The following EMC1 variants were observed in gnomAD, a reference collection of about 807,000 sequenced individuals.
EMC1 encodes KIAA0090.
A neutral mutation model predicts 128.8 loss-of-function variants in EMC1; 103 were observed. That is an observed-to-expected ratio of 0.80 (90% CI 0.68 to 0.94). EMC1 has a LOEUF of 0.94. Ranked by LOEUF, EMC1 falls within the 40% of genes least tolerant of loss-of-function variation. The pLI, the probability that EMC1 is intolerant of heterozygous loss-of-function variation, is 0.00. For missense variants in EMC1, 1,083 were observed against 1,250.6 expected (o/e 0.87, Z 2.02); for synonymous variants, 442 against 490.4 (o/e 0.90, Z 1.30).
At position 19,244,976 on chromosome 1, in the gene EMC1, T is replaced by A; in HGVS notation, c.150A>T (p.Gly50=). 1 of 1,613,958 alleles carries A rather than the reference T, an allele frequency of 6.2e-7. No individual in the cohort carries two copies. The change falls in exon 2 of 23, where the codon GGA becomes GGT. Residue 50 remains glycine (G), a synonymous_variant. Transcript: ENST00000477853. ...VKFASLEFSP[G]SKKLVVATEK... ...CTGTGGCTACAACCAACTTCTTGGA[T>A]CCAGGGGAAAATTCCAAGGAGGCAA... is the stretch of plus-strand genomic sequence containing the variant.
intron 2 of EMC1, among the ~76,000 whole-genome samples, chr1:19,244,250 C>T (rs1348704370): frequency 3.9e-5 from 6 of 152,104 alleles, no homozygotes; most frequent in Non-Finnish European, 5.9e-5. Flanking sequence ...AACATATAAA[C>T]AAACAACAAT....
intron 17 of EMC1, 99 bp downstream of exon 17, chr1:19,230,745 T>A: frequency 1.4e-6 from 2 of 1,442,982 alleles, no homozygotes; most frequent in South Asian, 2.5e-5. Flanking sequence ...TAATCTAAGT[T>A]TACAGTAGAA....
rs1336526051 is a variant in EMC1 at position 19,243,775 on chromosome 1, G to A, written c.287-68C>T. 8 of 1,519,026 alleles carry A rather than the reference G, an allele frequency of 5.3e-6. No individual in the cohort carries two copies. The East Asian group carries it at 9.0e-5, about 17-fold the overall frequency. The allele number at this position is 1,519,026 out of a possible 1,614,324, so 94.1% of individuals were successfully genotyped here. A position where few individuals can be genotyped will look rare whatever the true frequency, so the allele number is the denominator to read the frequency against. On this transcript the variant is annotated intron_variant, in intron 3 of 22. Coordinates refer to ENST00000477853, the MANE Select transcript of EMC1 (RefSeq NM_015047.3). ...CTGTCGCTTCCTAGGGTCCCACTGTGAGCAGTGGCCTCACCTCTGATTTCT... is the reference window on the plus strand; with the variant it reads ...CTGTCGCTTCCTAGGGTCCCACTGTAAGCAGTGGCCTCACCTCTGATTTCT...
At chr1:19,244,853 G>A in intron 2 of EMC1, 53 bp downstream of exon 2, 4 of 1,604,144 alleles carry the variant, frequency 2.5e-6, no homozygotes, top group Non-Finnish European at 3.4e-6. Flanking sequence ...GTTGGCAATG[G>A]TAAGTCTTTC....
intron 17 of EMC1, 97 bp from the exon 18 acceptor site, chr1:19,227,547 T>TA (rs2151943995): frequency 7.1e-6 from 10 of 1,399,802 alleles, no homozygotes; most frequent in Non-Finnish European, 9.9e-6. Context: ...TTTGAGGCCT[T>TA]TGTGCAGGAA....
Position 19,217,632 on chromosome 1 carries a change from T to G in EMC1, c.*1671A>C, listed in dbSNP as rs2093403882. ...TAGCTTGTTTCAGATTCTGGCACAC[T>G]GGTAAATAAAAACTAGAATCTTGCA... On this transcript the variant is annotated 3_prime_UTR_variant, in exon 23 of 23. Transcript: ENST00000477853. 1 of 152,202 alleles carries G rather than the reference T, an allele frequency of 6.6e-6. No homozygotes were observed. The highest frequency in any genetic ancestry group is 2.4e-5 in the African/African-American group (1 of 41,456). 9.4% of individuals were successfully genotyped at this position (152,202 alleles called of 1,614,324 possible). A position where few individuals can be genotyped will look rare whatever the true frequency, so the allele number is the denominator to read the frequency against.
chr1:19,249,541 T>C (rs10917275), intron 1 of EMC1, among the ~76,000 whole-genome samples: 43,485 of 152,112 alleles, frequency 0.29, 7,076 homozygotes, highest in African/African-American at 0.46. Flanking sequence ...CATAAGTACA[T>C]GCTACAACGT....
chr1:19,236,990 A>AC, intron 12 of EMC1, 152 bp downstream of exon 12: 2 of 551,282 alleles, frequency 3.6e-6, no homozygotes, highest in Non-Finnish European at 6.5e-6. Flanking sequence ...AAAAAAAAAA[A>AC]AGCAGGTGAC....
At position 19,220,546 on chromosome 1, in the gene EMC1, A is replaced by G. The variant is rs542117986; in HGVS notation, c.2672+218T>C. The G allele has an allele frequency of 1.9e-4, 79 of 405,818 alleles. No homozygotes were observed. In the East Asian group the frequency reaches 2.1e-3, roughly 11 times the overall value. 25.1% of individuals were successfully genotyped at this position (405,818 alleles called of 1,614,324 possible). A position where few individuals can be genotyped will look rare whatever the true frequency, so the allele number is the denominator to read the frequency against. Reference sequence around the variant, plus strand: ...TCTGCTTAGCATTTGAGTACCTAACATAGTATATATTTTACTTGTTTATCT... The same window carrying G: ...TCTGCTTAGCATTTGAGTACCTAACGTAGTATATATTTTACTTGTTTATCT... On this transcript the variant is annotated intron_variant, in intron 21 of 22. Transcript: ENST00000477853.
intron 14 of EMC1, 36 bp from the exon 15 acceptor site, chr1:19,232,809 A>T (rs1281489248): frequency 1.2e-6 from 2 of 1,613,564 alleles, no homozygotes; most frequent in South Asian, 2.2e-5. Flanking sequence ...CACTACTAGA[A>T]AGAGAAACCA....
rs1219698312 is a variant in EMC1 at position 19,240,559 on chromosome 1, T to TG, written c.637-114_637-113insC. 3 of 1,215,208 alleles carry TG rather than the reference T, an allele frequency of 2.5e-6. No individual in the cohort carries two copies. In the East Asian group the frequency reaches 7.2e-5, roughly 29 times the overall value. 75.3% of individuals were successfully genotyped at this position (1,215,208 alleles called of 1,614,324 possible). A position where few individuals can be genotyped will look rare whatever the true frequency, so the allele number is the denominator to read the frequency against. ...CACTGGGGGTCCTAAGCTCAAAGGT[T>TG]CTTCATGGTTGGTTGTATAGGAGTT... is the stretch of plus-strand genomic sequence containing the variant. On this transcript the variant is annotated intron_variant, in intron 6 of 22. Transcript: ENST00000477853.
At chr1:19,249,841 C>T (rs542672536) in intron 1 of EMC1, among the ~76,000 whole-genome samples, 2 of 152,164 alleles carry the variant, frequency 1.3e-5, no homozygotes, top group South Asian at 4.1e-4. Flanking sequence ...GTCACTTGAA[C>T]CTGCAAGGTC....
At chr1:19,239,566 C>A in intron 8 of EMC1, 1 of 583,328 alleles carries the variant, frequency 1.7e-6, no homozygotes, top group Non-Finnish European at 3.0e-6. Flanking sequence ...GGGAAGCTCT[C>A]ATTTATGTCC....
At chr1:19,237,044 C>A in intron 12 of EMC1, 98 bp downstream of exon 12, 2 of 696,192 alleles carry the variant, frequency 2.9e-6, no homozygotes, top group Non-Finnish European at 5.2e-6. Flanking sequence ...CCACTTGAAT[C>A]TCTTCCAGAA....
At chr1:19,224,467 T>C (rs1238970706) in intron 18 of EMC1, among the ~76,000 whole-genome samples, 2 of 152,178 alleles carry the variant, frequency 1.3e-5, no homozygotes, top group Admixed American at 1.3e-4. Context: ...CATACATCAG[T>C]GGCTCAGACC....
intron 18 of EMC1, among the ~76,000 whole-genome samples, chr1:19,225,238 C>T (rs1402726582): frequency 2.0e-5 from 3 of 152,174 alleles, no homozygotes; most frequent in South Asian, 2.1e-4. Flanking sequence ...TGCTGCTGGC[C>T]GGGTGCGGTG....
In EMC1 at chr1:19,219,655, CGT is replaced by C; in HGVS notation, c.2714_2715del (p.His905ArgfsTer8). 6.2e-7 allele frequency: 1 copy of C among 1,613,998 alleles called. No individual in the cohort carries two copies. ...LIPYSPDVQIHAERFINYNQT... is the reference protein window; with the variant it reads ...LIPYSPDVQIXAERFINYNQT... ...TGGTTATAGTTGATGAATCGCTCTG[CGT>C]GTATCTGTACATCTGGAGAATACGG... On this transcript the variant is annotated frameshift_variant, in exon 22 of 23. Transcript: ENST00000477853. LOFTEE classifies it high-confidence loss of function.
intron 18 of EMC1, among the ~76,000 whole-genome samples, 183 bp from the exon 19 acceptor site, chr1:19,223,752 G>C (rs1286840276): frequency 6.6e-6 from 1 of 152,190 alleles, no homozygotes; most frequent in Non-Finnish European, 1.5e-5. Flanking sequence ...GGTACTGGGT[G>C]CCATGCCAGG....
rs183872781 is a variant in EMC1, at chr1:19,217,557, C to T, written c.*1746G>A. ...ACCTGCTTTGAGGTAACTTTGATTA[C>T]AGCTGAAATACAGGGAATTTTACTA... On this transcript the variant is annotated 3_prime_UTR_variant, in exon 23 of 23. Transcript: ENST00000477853. The T allele has an allele frequency of 1.3e-5, 2 of 151,604 alleles. No individual in the cohort carries two copies. The highest frequency in any genetic ancestry group is 1.3e-4 in the Admixed American group (2 of 15,240). 9.4% of individuals were successfully genotyped at this position (151,604 alleles called of 1,614,324 possible). A position where few individuals can be genotyped will look rare whatever the true frequency, so the allele number is the denominator to read the frequency against.
Sources: allele counts gnomAD v4.1 joint callset (sites outside exome capture counted in the v4.1 genomes callset), GRCh38; gene constraint gnomAD v4.1.1; transcripts MANE v1.5; gene names NCBI Gene and HGNC (gene_info 2026-07-23, HGNC 2026-07-21).